The following NAALADL2 variants were observed in gnomAD, a reference collection of about 807,000 sequenced individuals.
The protein encoded by NAALADL2 is inactive N-acetylated-alpha-linked acidic dipeptidase-like protein 2.
NAALADL2 carries 76 observed loss-of-function variants against 87.2 expected under a neutral mutation model. That is an observed-to-expected ratio of 0.87 (90% CI 0.72 to 1.05). The LOEUF (loss-of-function observed/expected upper bound fraction) is 1.05, where lower values mean the gene tolerates loss of function less well. Ranked by LOEUF, NAALADL2 falls within the 50% of genes least tolerant of loss-of-function variation. The probability of loss-of-function intolerance (pLI) is 0.00; values close to 1 mark genes in which losing one functional copy is unlikely to be tolerated. For synonymous variants in NAALADL2, 354 were observed against 331.0 expected, an observed-to-expected ratio of 1.07 and a Z score of -0.75; for missense variants, 1,089 against 945.8, an observed-to-expected ratio of 1.15 and a Z score of -1.99.
chr3:174,844,550 T>A lies in NAALADL2; in HGVS notation c.-9+106804T>A, dbSNP rs1396170816. 2.0e-5 allele frequency among the ~76,000 whole-genome samples: 3 copies of A among 152,170 alleles called. 1 individual carries two copies. Among genetic ancestry groups the A allele is most frequent in the African/African-American group, 7.2e-5 (3 of 41,440 alleles). ...CTGTGAAATGTCATTGGTATTTTGA[T>A]AGGAATTGCATCAATTCTGTAGATC... On this transcript the variant is annotated intron_variant, in intron 3 of 3. Transcript: ENST00000434257.
intron 1 of NAALADL2, among the ~76,000 whole-genome samples, chr3:174,960,765 A>T (rs1741858190): frequency 6.6e-6 from 1 of 152,090 alleles, no homozygotes; most frequent in Non-Finnish European, 1.5e-5. Context: ...GCAGGGTATT[A>T]TAAGTACTTC....
intron 9 of NAALADL2, among the ~76,000 whole-genome samples, chr3:175,489,065 T>C (rs1184697833): frequency 2.0e-5 from 3 of 152,074 alleles, no homozygotes; most frequent in African/African-American, 7.2e-5. Context: ...GAATGAAAAA[T>C]TACGTTTATC....
intron 5 of NAALADL2, among the ~76,000 whole-genome samples, chr3:175,342,330 A>G (rs1762645109): frequency 6.6e-6 from 1 of 152,128 alleles, no homozygotes; most frequent in Non-Finnish European, 1.5e-5. Context: ...GGTGGAAAGT[A>G]GGATGGGGAG....
chr3:175,178,039 C>G (rs1329111291), intron 2 of NAALADL2, among the ~76,000 whole-genome samples: 1 of 152,012 alleles, frequency 6.6e-6, no homozygotes, highest in African/African-American at 2.4e-5. Context: ...TGCCTACATT[C>G]AATCAGTGTT....
chr3:175,053,746 C>A (rs918820134), intron 1 of NAALADL2, among the ~76,000 whole-genome samples: 1 of 152,308 alleles, frequency 6.6e-6, no homozygotes, highest in South Asian at 2.1e-4. Context: ...TTAACTCCTC[C>A]CGTAAAACAT....
chr3:175,382,769 T>G (rs1462972228), intron 5 of NAALADL2, among the ~76,000 whole-genome samples: 2 of 151,690 alleles, frequency 1.3e-5, no homozygotes, highest in Admixed American at 6.6e-5. Flanking sequence ...TAGGGAGAGA[T>G]AATTTAAGAA....
At chr3:174,951,661 G>C (rs913310067) in intron 1 of NAALADL2, among the ~76,000 whole-genome samples, 8 of 152,124 alleles carry the variant, frequency 5.3e-5, no homozygotes, top group African/African-American at 1.4e-4. Flanking sequence ...TTTACTTGTC[G>C]ATAGACGCCT....
intron 1 of NAALADL2, among the ~76,000 whole-genome samples, chr3:174,529,981 C>T (rs1247895440): frequency 6.6e-6 from 1 of 152,158 alleles, no homozygotes; most frequent in Non-Finnish European, 1.5e-5. Flanking sequence ...ACATTTGGTT[C>T]CTCATTACTT....
At chr3:175,454,347 C>G (rs1394393129) in intron 6 of NAALADL2, among the ~76,000 whole-genome samples, 2 of 152,028 alleles carry the variant, frequency 1.3e-5, no homozygotes, top group Admixed American at 6.6e-5. Flanking sequence ...TATAATTAAT[C>G]TAAGAAATTA....
intron 10 of NAALADL2, among the ~76,000 whole-genome samples, chr3:175,611,849 C>T (rs972744921): frequency 2.6e-5 from 4 of 152,060 alleles, no homozygotes; most frequent in Non-Finnish European, 1.5e-5. Context: ...TCCACTGGGG[C>T]TAAAATAGTG....
intron 1 of NAALADL2, among the ~76,000 whole-genome samples, chr3:174,910,473 T>G (rs1336145851): frequency 6.6e-6 from 1 of 151,900 alleles, no homozygotes; most frequent in African/African-American, 2.4e-5. Flanking sequence ...ACTTTGGGGG[T>G]GGGAACTGAG....
At chr3:175,380,981 C>G (rs1767717615) in intron 5 of NAALADL2, among the ~76,000 whole-genome samples, 1 of 151,912 alleles carries the variant, frequency 6.6e-6, no homozygotes, top group South Asian at 2.1e-4. Flanking sequence ...AAAAATTACC[C>G]TTTACTGTAT....
intron 3 of NAALADL2, among the ~76,000 whole-genome samples, chr3:174,765,493 T>C (rs1713690135): frequency 6.6e-6 from 1 of 152,184 alleles, no homozygotes; most frequent in Non-Finnish European, 1.5e-5. Flanking sequence ...GGCAGTTTCC[T>C]GTAGTTTTCC....
At chr3:175,049,389 G>A (rs1755079103) in intron 1 of NAALADL2, among the ~76,000 whole-genome samples, 1 of 152,142 alleles carries the variant, frequency 6.6e-6, no homozygotes, top group Non-Finnish European at 1.5e-5. Flanking sequence ...ACTGAAACCA[G>A]GGAAAGTAAA....
intron 4 of NAALADL2, among the ~76,000 whole-genome samples, chr3:175,281,118 AAAT>A (rs949622063): frequency 2.7e-5 from 4 of 150,232 alleles, no homozygotes; most frequent in Non-Finnish European, 5.9e-5. Context: ...AACTTAAAAA[AAAT>A]ATATATATAT....
chr3:174,556,378 G>C (rs1712821063), intron 2 of NAALADL2, among the ~76,000 whole-genome samples: 1 of 151,874 alleles, frequency 6.6e-6, no homozygotes, highest in Non-Finnish European at 1.5e-5. Context: ...CTGTTCTTTT[G>C]CCTTAGATTT....
At chr3:174,748,535 T>A (rs1734506435) in intron 3 of NAALADL2, among the ~76,000 whole-genome samples, 1 of 152,112 alleles carries the variant, frequency 6.6e-6, no homozygotes, top group Non-Finnish European at 1.5e-5. Context: ...ATTCATGTTG[T>A]TTTAAGCCAC....
chr3:175,510,708 G>A (rs547646560), intron 9 of NAALADL2, among the ~76,000 whole-genome samples: 1 of 152,030 alleles, frequency 6.6e-6, no homozygotes, highest in East Asian at 1.9e-4. Flanking sequence ...AGGAAGACAG[G>A]GACAAAACTA....
At chr3:175,373,352 C>G (rs924820614) in intron 5 of NAALADL2, among the ~76,000 whole-genome samples, 1 of 152,158 alleles carries the variant, frequency 6.6e-6, no homozygotes, top group Non-Finnish European at 1.5e-5. Flanking sequence ...AACCGCTGAT[C>G]TAATTTGCAT....
Sources: allele counts gnomAD v4.1 joint callset (sites outside exome capture counted in the v4.1 genomes callset), GRCh38; gene constraint gnomAD v4.1.1; transcripts MANE v1.5; gene names NCBI Gene and HGNC (gene_info 2026-07-23, HGNC 2026-07-21).